OR1L8: variants seen among roughly 807,000 people sequenced by gnomAD.
OR1L8 encodes olfactory receptor family 1 subfamily L member 8.
For missense variants in OR1L8, 330 were observed against 377.4 expected (o/e 0.87, Z 1.04); for synonymous variants, 148 against 147.0 (o/e 1.01, Z -0.05).
chr9:122,553,268 ACT>A, the OR1L8 span: 2 of 1,613,574 alleles, frequency 1.2e-6, no homozygotes, highest in Non-Finnish European at 1.7e-6. Flanking sequence ...TCCTTCTAGG[ACT>A]CTCTGAGTGG....
chr9:122,581,804 G>A (rs1390565088), intron 1 of OR1L8, among the ~76,000 whole-genome samples: 1 of 151,968 alleles, frequency 6.6e-6, no homozygotes, highest in African/African-American at 2.4e-5. Flanking sequence ...AAAATCAGCA[G>A]GATGTGGTGG....
At chr9:122,553,199 C>T in the OR1L8 span, 2,040 of 1,611,796 alleles carry the variant, frequency 1.3e-3, 5 homozygotes, top group Non-Finnish European at 1.6e-3. Context: ...GCAGATCACA[C>T]GAACTACAAG....
intron 4 of OR1L8, among the ~76,000 whole-genome samples, chr9:122,572,260 GAC>G (rs1829567553): frequency 6.6e-6 from 1 of 152,174 alleles, no homozygotes; most frequent in Non-Finnish European, 1.5e-5. Context: ...TTTGGGCGGG[GAC>G]ACAGATCCAA....
At position 122,578,314 on chromosome 9, in the gene OR1L8, T is replaced by C. The variant is rs1295444903; in HGVS notation, c.-478+10A>G. On this transcript the variant is annotated intron_variant, in intron 2 of 4. Coordinates refer to ENST00000641027, the MANE Select transcript of OR1L8 (RefSeq NM_001004454.2). ...AAATACAAAAATTAGCTGGTCATGG[T>C]GGCAGTCACCTGTAATCCCAGATAC... The C allele has an allele frequency of 6.6e-6, 1 of 152,200 alleles. No homozygotes were observed. Among genetic ancestry groups the C allele is most frequent in the East Asian group, 1.9e-4 (1 of 5,194 alleles). The allele number at this position is 152,200 out of a possible 1,614,324, so 9.4% of individuals were successfully genotyped here.
At chr9:122,559,119 G>A in the OR1L8 span, among the ~76,000 whole-genome samples, 14 of 151,868 alleles carry the variant, frequency 9.2e-5, no homozygotes, top group Non-Finnish European at 1.9e-4. Flanking sequence ...CTATATTCAT[G>A]CTTTTGTACA....
chr9:122,550,963 A>C, the OR1L8 span, among the ~76,000 whole-genome samples: 1 of 152,184 alleles, frequency 6.6e-6, no homozygotes, highest in East Asian at 1.9e-4. Flanking sequence ...AAAGGAAGTC[A>C]AAGTATCTTT....
chr9:122,575,032 A>C (rs1047443857), intron 3 of OR1L8, among the ~76,000 whole-genome samples: 1 of 152,128 alleles, frequency 6.6e-6, no homozygotes, highest in African/African-American at 2.4e-5. Context: ...CCAGGCTTGC[A>C]TACCTAGGAT....
the OR1L8 span, among the ~76,000 whole-genome samples, chr9:122,549,616 G>T: frequency 6.6e-6 from 1 of 152,012 alleles, no homozygotes; most frequent in Non-Finnish European, 1.5e-5. Context: ...TGTTGAATAG[G>T]GTGTCTTTTC....
At chr9:122,547,119 TAAAA>T in the OR1L8 span, among the ~76,000 whole-genome samples, 1 of 151,138 alleles carries the variant, frequency 6.6e-6, no homozygotes, top group African/African-American at 2.4e-5. Context: ...GTGAGCCACA[TAAAA>T]AAATAATAAT....
intron 1 of OR1L8, among the ~76,000 whole-genome samples, chr9:122,582,578 G>A (rs183465647): frequency 2.0e-3 from 297 of 152,044 alleles, no homozygotes; most frequent in Middle Eastern, 3.4e-3. Context: ...AAATTAGCTG[G>A]GCATAGTAGT....
chr9:122,572,528 G>A (rs888518345), intron 4 of OR1L8, among the ~76,000 whole-genome samples: 1 of 151,790 alleles, frequency 6.6e-6, no homozygotes, highest in East Asian at 1.9e-4. Flanking sequence ...CAGGGTGAGT[G>A]TATGGGGCTG....
the OR1L8 span, among the ~76,000 whole-genome samples, chr9:122,561,924 A>C: frequency 6.6e-6 from 1 of 152,164 alleles, no homozygotes; most frequent in Non-Finnish European, 1.5e-5. Context: ...CAGATTCCTC[A>C]GAACTAGCAG....
At chr9:122,562,824 A>G (rs1187853986), downstream of OR1L8, among the ~76,000 whole-genome samples, 1 of 152,122 alleles carries the variant, frequency 6.6e-6, no homozygotes, top group Non-Finnish European at 1.5e-5. Flanking sequence ...AGGTTCATCC[A>G]TGCTGCCACA....
At chr9:122,563,382 A>T (rs4837989), downstream of OR1L8, among the ~76,000 whole-genome samples, 41,436 of 152,054 alleles carry the variant, frequency 0.27, 5,814 homozygotes, top group Middle Eastern at 0.34. Flanking sequence ...TTTTTCCATA[A>T]GCTTGTTGAC....
At chr9:122,580,997 C>T (rs1354777106) in intron 1 of OR1L8, among the ~76,000 whole-genome samples, 1 of 152,086 alleles carries the variant, frequency 6.6e-6, no homozygotes, top group Non-Finnish European at 1.5e-5. Context: ...TACTCAGTGT[C>T]TCTCTAAGGC....
At position 122,572,911 on chromosome 9, in the gene OR1L8, A is replaced by C. The variant is rs78658658; in HGVS notation, c.-341-3T>G. The C allele has an allele frequency of 6.6e-6, 1 of 152,338 alleles. No homozygotes were observed. Among genetic ancestry groups the C allele is most frequent in the East Asian group, 1.9e-4 (1 of 5,186 alleles). 9.4% of individuals were successfully genotyped at this position (152,338 alleles called of 1,614,324 possible). ...TGTTTCTCCTCTGAACTTCTGGACT[A>C]ATTAGCAAGGAGGGAAGAACTGAAA... On this transcript the variant is annotated splice_region_variant and splice_polypyrimidine_tract_variant and intron_variant, in intron 3 of 4. Transcript: ENST00000641027.
chr9:122,582,264 A>G (rs540468561), intron 1 of OR1L8, among the ~76,000 whole-genome samples: 128 of 152,320 alleles, frequency 8.4e-4, no homozygotes, highest in African/African-American at 2.8e-3. Context: ...TTGAGAATAC[A>G]CTCAAACTGC....
Position 122,567,320 on chromosome 9 carries a change from A to C in OR1L8, c.*228T>G. 4.9e-6 allele frequency: 2 copies of C among 406,962 alleles called. No homozygotes were observed. Among genetic ancestry groups the C allele is most frequent in the Non-Finnish European group, 8.7e-6 (2 of 230,220 alleles). 25.2% of individuals were successfully genotyped at this position (406,962 alleles called of 1,614,324 possible). A position where few individuals can be genotyped will look rare whatever the true frequency, so the allele number is the denominator to read the frequency against. ...TTTGGAAAATGAGAAAGTGGAAAAA[A>C]TAAATCTTTCCAAGAAAGAGGAGAC... On this transcript the variant is annotated 3_prime_UTR_variant, in exon 5 of 5. Transcript: ENST00000641027.
At chr9:122,580,124 G>A (rs903594643) in intron 1 of OR1L8, among the ~76,000 whole-genome samples, 2 of 152,026 alleles carry the variant, frequency 1.3e-5, no homozygotes, top group Non-Finnish European at 2.9e-5. Context: ...GCAAATGCCT[G>A]TCAGCAATAA....
Sources: gnomAD v4.1 joint callset for allele counts (sites outside exome capture counted in the v4.1 genomes callset) on GRCh38, gnomAD v4.1.1 for gene constraint, MANE v1.5 for transcripts, NCBI Gene and HGNC (gene_info 2026-07-23, HGNC 2026-07-21) for gene names.